Variants in CCDC177 observed in about 807,000 individuals in gnomAD.
The protein encoded by CCDC177 is coiled-coil domain containing 177, also known as coiled-coil domain-containing protein 177.
In CCDC177, 2 loss-of-function variants were observed where a neutral mutation model predicts 7.3. That is an observed-to-expected ratio of 0.28 (90% CI 0.11 to 0.87). The LOEUF is 0.87. Among genes scored for constraint, CCDC177 ranks in the 40% least tolerant of loss-of-function variants. The pLI is 0.61. For synonymous variants in CCDC177, 401 were observed against 449.2 expected, an observed-to-expected ratio of 0.89 and a Z score of 1.36; for missense variants, 874 against 970.5, an observed-to-expected ratio of 0.90 and a Z score of 1.32.
Position 69,572,196 on chromosome 14 carries a change from T to C in CCDC177, c.1427A>G (p.Glu476Gly). 9 of 1,229,088 alleles carry C rather than the reference T, an allele frequency of 7.3e-6. No individual in the cohort carries two copies. Among genetic ancestry groups the C allele is most frequent in the Non-Finnish European group, 9.1e-6 (9 of 986,640 alleles). The allele number at this position is 1,229,088 out of a possible 1,614,324, so 76.1% of individuals were successfully genotyped here. ...EGLQEGRERA[E>G]QIRRERAQRA... ...CTGGGCGCGCTCCCTGCGGATCTGC[T>C]CAGCCCGCTCCCGCCCTTCCTGTAG... is the stretch of plus-strand genomic sequence containing the variant. The change falls in exon 2 of 2, where the codon GAG (glutamate) becomes GGG (glycine). Residue 476 changes from glutamate (E) to glycine (G), a missense_variant. Physicochemically the swap from Glu to Gly is moderately conservative, Grantham distance 98 (BLOSUM62 -2). Coordinates refer to ENST00000599174, the MANE Select transcript of CCDC177 (RefSeq NM_001271507.2).
In CCDC177 at chr14:69,570,351, G is replaced by C. The variant is rs535170710; in HGVS notation, c.*1148C>G. On this transcript the variant is annotated 3_prime_UTR_variant, in exon 2 of 2. Transcript: ENST00000599174. ...TGAAATGCTTTCAGGCATAGGTGAGGGGGTACCAGGAAATTTAAGGGGGAG... is the reference window on the plus strand; with the variant it reads ...TGAAATGCTTTCAGGCATAGGTGAGCGGGTACCAGGAAATTTAAGGGGGAG... The C allele has an allele frequency of 8.2e-4, 141 of 171,744 alleles. 1 individual carries two copies. Among genetic ancestry groups the C allele is most frequent in the African/African-American group, 3.3e-3 (138 of 42,102 alleles). The allele number at this position is 171,744 out of a possible 1,614,324, so 10.6% of individuals were successfully genotyped here. A position where few individuals can be genotyped will look rare whatever the true frequency, so the allele number is the denominator to read the frequency against.
chr14:69,572,016 G>C lies in CCDC177; in HGVS notation c.1607C>G (p.Ala536Gly). 8.1e-7 allele frequency: 1 copy of C among 1,231,222 alleles called. No individual in the cohort carries two copies. Among genetic ancestry groups the C allele is most frequent in the Non-Finnish European group, 1.0e-6 (1 of 987,778 alleles). 76.3% of individuals were successfully genotyped at this position (1,231,222 alleles called of 1,614,324 possible). ...EREGLRSSLE[A>G]SLGRAQENYE... ...GTTCTCCTGCGCACGGCCCAAACTG[G>C]CTTCCAGCGAGCTCCGCAGGCCCTC... The change falls in exon 2 of 2, where the codon GCC (alanine) becomes GGC (glycine). Residue 536 changes from alanine (A) to glycine (G), a missense_variant. Transcript: ENST00000599174.
Position 69,571,682 on chromosome 14 carries a change from G to C in CCDC177, c.1941C>G (p.Ile647Met). The C allele has an allele frequency of 8.1e-7, 1 of 1,232,054 alleles. No individual in the cohort carries two copies. Among genetic ancestry groups the C allele is most frequent in the East Asian group, 3.2e-5 (1 of 31,686 alleles). The allele number at this position is 1,232,054 out of a possible 1,614,324, so 76.3% of individuals were successfully genotyped here. ...GCTCGCTGCGCTCCAGCTTGCGCCC[G>C]ATGGCCTGGAGTAGCTCTCGCCGGC... ...DCRRRELLQA[I>M]GRKLERSEQL... is the part of the protein sequence containing the mutation. Residue 647 changes from isoleucine (I) to methionine (M), a missense_variant, in exon 2 of 2, where the codon ATC becomes ATG. Ile to Met is a conservative substitution (Grantham distance 10). Transcript: ENST00000599174.
At position 69,573,503 on chromosome 14, in the gene CCDC177, GGAA is replaced by G. The variant is rs1162614356; in HGVS notation, c.117_119del (p.Ser41del). 9.4e-5 allele frequency: 116 copies of G among 1,230,982 alleles called. 1 individual carries two copies. In the East Asian group the frequency reaches 1.1e-3, roughly 12 times the overall value. 76.3% of individuals were successfully genotyped at this position (1,230,982 alleles called of 1,614,324 possible). A position where few individuals can be genotyped will look rare whatever the true frequency, so the allele number is the denominator to read the frequency against. On this transcript the variant is annotated inframe_deletion, in exon 2 of 2. Transcript: ENST00000599174. ...CCGCGGAGGCCGAGGCCGAGGCCGA[GGAA>G]GCTGCGGGCTCCTGTGCGCCCTGGG... is the stretch of plus-strand genomic sequence containing the variant.
rs1884373947 is a variant in CCDC177, at chr14:69,573,274, C to T, written c.349G>A (p.Asp117Asn). The change falls in exon 2 of 2, where the codon GAC (aspartate) becomes AAC (asparagine). Residue 117 changes from aspartate to asparagine, a missense_variant. Asp to Asn is a conservative substitution (Grantham distance 23). Coordinates refer to ENST00000599174, the MANE Select transcript of CCDC177 (RefSeq NM_001271507.2). ...CGGCCCGGAGCCTCTCGCACCAGGT[C>T]GGCCAGGGCCCGTGGCAGCAGCTCC... ...PVELLPRALA[D>N]LVREAPGRSM... The T allele has an allele frequency of 8.1e-7, 1 of 1,231,392 alleles. No homozygotes were observed. Among genetic ancestry groups the T allele is most frequent in the East Asian group, 3.2e-5 (1 of 31,690 alleles). 76.3% of individuals were successfully genotyped at this position (1,231,392 alleles called of 1,614,324 possible).
In CCDC177 at chr14:69,571,720, C is replaced by T. The variant is rs1465292034; in HGVS notation, c.1903G>A (p.Asp635Asn). The change falls in exon 2 of 2, where the codon GAC becomes AAC. Residue 635 changes from aspartate to asparagine, a missense_variant. Asp to Asn is a conservative substitution (Grantham distance 23, BLOSUM62 1). Transcript: ENST00000599174. ...AGCTCTCGCCGGCGGCAGTCTTCGT[C>T]CCTCTCCACCTTCTCCTTGTTGGCG... The part of the protein sequence containing the change: ...QRANKEKVER[D>N]EDCRRRELLQ... The T allele has an allele frequency of 5.7e-6, 7 of 1,231,624 alleles. No homozygotes were observed. The highest frequency in any genetic ancestry group is 3.1e-5 in the African/African-American group (2 of 64,400). The allele number at this position is 1,231,624 out of a possible 1,614,324, so 76.3% of individuals were successfully genotyped here. A position where few individuals can be genotyped will look rare whatever the true frequency, so the allele number is the denominator to read the frequency against.
chr14:69,574,362 C>T (rs897150408), intron 1 of CCDC177, among the ~76,000 whole-genome samples, 180 bp downstream of exon 1: 8 of 152,184 alleles, frequency 5.3e-5, no homozygotes, highest in African/African-American at 9.6e-5. Context: ...TCAGACGCAC[C>T]GGATCTCCTC....
At position 69,572,571 on chromosome 14, in the gene CCDC177, T is replaced by G; in HGVS notation, c.1052A>C (p.Glu351Ala). 1 of 1,231,146 alleles carries G rather than the reference T, an allele frequency of 8.1e-7. No individual in the cohort carries two copies. The highest frequency in any genetic ancestry group is 4.2e-5 in the Admixed American group (1 of 23,706). 76.3% of individuals were successfully genotyped at this position (1,231,146 alleles called of 1,614,324 possible). ...GCGTTGCTCCAGCAGCAGGAGCTCCTCCTGGTGCCGCGCCAGCATGAGCGC... is the reference window on the plus strand; with the variant it reads ...GCGTTGCTCCAGCAGCAGGAGCTCCGCCTGGTGCCGCGCCAGCATGAGCGC... ...IAALMLARHQ[E>A]ELLLLEQRAA... is the part of the protein sequence containing the mutation. Residue 351 changes from glutamate to alanine, a missense_variant, in exon 2 of 2, where the codon GAG becomes GCG. By Grantham distance (107) the Glu-to-Ala change is moderately radical. Coordinates refer to ENST00000599174, the MANE Select transcript of CCDC177 (RefSeq NM_001271507.2).
Position 69,572,301 on chromosome 14 carries a change from T to G in CCDC177, c.1322A>C (p.Glu441Ala). The G allele has an allele frequency of 8.1e-7, 1 of 1,227,834 alleles. No individual in the cohort carries two copies. The highest frequency in any genetic ancestry group is 1.6e-5 in the African/African-American group (1 of 64,224). The allele number at this position is 1,227,834 out of a possible 1,614,324, so 76.1% of individuals were successfully genotyped here. The change falls in exon 2 of 2, where the codon GAG (glutamate) becomes GCG (alanine). Residue 441 changes from glutamate to alanine, a missense_variant. Coordinates refer to ENST00000599174, the MANE Select transcript of CCDC177 (RefSeq NM_001271507.2). The stretch of plus-strand genomic sequence containing the variant: ...CTCCCGGGCCGCGCGCTCCGCCCGC[T>G]CCCGCCGCAGGAGGCCCTGGCGTTC... ...LAERQGLLRR[E>A]RAERAAREDR...
chr14:69,573,574 C>T lies in CCDC177; in HGVS notation c.49G>A (p.Asp17Asn), dbSNP rs576968208. The T allele has an allele frequency of 1.1e-3, 1,358 of 1,231,716 alleles. 1 individual carries two copies. The highest frequency in any genetic ancestry group is 1.3e-3 in the Non-Finnish European group (1,284 of 988,020). The allele number at this position is 1,231,716 out of a possible 1,614,324, so 76.3% of individuals were successfully genotyped here. A position where few individuals can be genotyped will look rare whatever the true frequency, so the allele number is the denominator to read the frequency against. The change falls in exon 2 of 2, where the codon GAC (aspartate) becomes AAC (asparagine). Residue 17 changes from aspartate (D) to asparagine (N), a missense_variant. Coordinates refer to ENST00000599174, the MANE Select transcript of CCDC177 (RefSeq NM_001271507.2). ...GCCACGGCCTCGTCCCCTCCAGAGTCGCCGGGTTCCGCTCCTGCCTTCTCT... is the reference window on the plus strand; with the variant it reads ...GCCACGGCCTCGTCCCCTCCAGAGTTGCCGGGTTCCGCTCCTGCCTTCTCT... ...EEEKAGAEPG[D>N]SGGDEAVASV...
rs1566578566 is a variant in CCDC177 at position 69,573,609 on chromosome 14, A to G, written c.14T>C (p.Val5Ala). 2 of 1,231,692 alleles carry G rather than the reference A, an allele frequency of 1.6e-6. No homozygotes were observed. Among genetic ancestry groups the G allele is most frequent in the Non-Finnish European group, 2.0e-6 (2 of 988,030 alleles). 76.3% of individuals were successfully genotyped at this position (1,231,692 alleles called of 1,614,324 possible). A position where few individuals can be genotyped will look rare whatever the true frequency, so the allele number is the denominator to read the frequency against. MVDPVPEEEKAGAEP... is the reference protein window; with the variant it reads MVDPAPEEEKAGAEP... Reference sequence around the variant, plus strand: ...CGCTCCTGCCTTCTCTTCTTCAGGCACTGGGTCCACCATGGCTGAGCCCCG... The same window carrying G: ...CGCTCCTGCCTTCTCTTCTTCAGGCGCTGGGTCCACCATGGCTGAGCCCCG... Residue 5 changes from valine to alanine, a missense_variant, in exon 2 of 2, where the codon GTG (valine) becomes GCG (alanine). By Grantham distance (64) the Val-to-Ala change is moderately conservative. Transcript: ENST00000599174.
In CCDC177 at chr14:69,573,133, A is replaced by G. The variant is rs906987003; in HGVS notation, c.490T>C (p.Phe164Leu). 68 of 1,228,326 alleles carry G rather than the reference A, an allele frequency of 5.5e-5. No individual in the cohort carries two copies. Among genetic ancestry groups the G allele is most frequent in the Non-Finnish European group, 6.4e-5 (63 of 986,162 alleles). 76.1% of individuals were successfully genotyped at this position (1,228,326 alleles called of 1,614,324 possible). Residue 164 changes from phenylalanine to leucine, a missense_variant, in exon 2 of 2, where the codon TTC (phenylalanine) becomes CTC (leucine). Phe to Leu is a conservative substitution (Grantham distance 22). Transcript: ENST00000599174. The stretch of plus-strand genomic sequence containing the variant: ...GCGGCCGCGGGGCTCAAAGGCGTGA[A>G]AAGACGCCGCTTCTCCTCGCGCATG... ...RIMREEKRRL[F>L]TPLSPAAAAA...
intron 1 of CCDC177, among the ~76,000 whole-genome samples, chr14:69,574,307 C>T (rs923490327): frequency 6.6e-6 from 1 of 152,164 alleles, no homozygotes. Flanking sequence ...CCACCTCCAC[C>T]CCCACCGGGT....
At chr14:69,573,695 CT>C in intron 1 of CCDC177, 45 bp from the exon 2 acceptor site, 4 of 1,229,460 alleles carry the variant, frequency 3.3e-6, no homozygotes, top group Non-Finnish European at 4.1e-6. Context: ...TCTGAGAGCT[CT>C]TCCCCCCTCC....
chr14:69,572,454 T>C lies in CCDC177; in HGVS notation c.1169A>G (p.Gln390Arg). ...EEREKQRALE[Q>R]GRRAWAAQVE... is the part of the protein sequence containing the mutation. ...CTGCGCGGCCCAGGCTCGGCGGCCC[T>C]GCTCTAGGGCGCGCTGCTTCTCCCG... The change falls in exon 2 of 2, where the codon CAG becomes CGG. Residue 390 changes from glutamine to arginine, a missense_variant. Physicochemically the swap from Gln to Arg is conservative, Grantham distance 43. Coordinates refer to ENST00000599174, the MANE Select transcript of CCDC177 (RefSeq NM_001271507.2). The C allele has an allele frequency of 8.1e-7, 1 of 1,229,074 alleles. No homozygotes were observed. Among genetic ancestry groups the C allele is most frequent in the East Asian group, 3.2e-5 (1 of 31,518 alleles). 76.1% of individuals were successfully genotyped at this position (1,229,074 alleles called of 1,614,324 possible).
chr14:69,571,930 G>A lies in CCDC177; in HGVS notation c.1693C>T (p.Leu565=). The A allele has an allele frequency of 8.1e-7, 1 of 1,232,314 alleles. No individual in the cohort carries two copies. The highest frequency in any genetic ancestry group is 1.0e-6 in the Non-Finnish European group (1 of 988,482). 76.3% of individuals were successfully genotyped at this position (1,232,314 alleles called of 1,614,324 possible). A position where few individuals can be genotyped will look rare whatever the true frequency, so the allele number is the denominator to read the frequency against. The stretch of plus-strand genomic sequence containing the variant: ...GCCTCCTTGGCCCGCCGACCCTGCA[G>A]CTCCTCTCGCCGGGCCCGCTCCCGC... ...ELRERARREE[L]QGRRAKEAAE... Residue 565 remains leucine, a synonymous_variant, in exon 2 of 2, where the codon CTG becomes TTG. Coordinates refer to ENST00000599174, the MANE Select transcript of CCDC177 (RefSeq NM_001271507.2).
Position 69,571,966 on chromosome 14 carries a change from T to C in CCDC177, c.1657A>G (p.Thr553Ala), listed in dbSNP as rs1046869497. The C allele has an allele frequency of 2.4e-5, 30 of 1,229,908 alleles. No individual in the cohort carries two copies. Among genetic ancestry groups the C allele is most frequent in the Middle Eastern group, 6.2e-4 (2 of 3,222 alleles). The allele number at this position is 1,229,908 out of a possible 1,614,324, so 76.2% of individuals were successfully genotyped here. A position where few individuals can be genotyped will look rare whatever the true frequency, so the allele number is the denominator to read the frequency against. The stretch of plus-strand genomic sequence containing the variant: ...CGGGCCCGCTCCCGCAGCTCCCGGG[T>C]GCGCTGCTCCACCAAATGCTCGTAG... ...ENYEHLVEQR[T>A]RELRERARRE... is the part of the protein sequence containing the mutation. Residue 553 changes from threonine to alanine, a missense_variant, in exon 2 of 2, where the codon ACC becomes GCC. By Grantham distance (58) the Thr-to-Ala change is moderately conservative. Transcript: ENST00000599174.
chr14:69,574,213 A>G (rs976422072), intron 1 of CCDC177, among the ~76,000 whole-genome samples: 9 of 152,194 alleles, frequency 5.9e-5, no homozygotes, highest in African/African-American at 2.2e-4. Context: ...GAAGTCCCCA[A>G]AGGCCTCTCC....
In CCDC177 at chr14:69,571,601, A is replaced by C. The variant is rs1183961104; in HGVS notation, c.2022T>G (p.Ala674=). The part of the protein sequence containing the change: ...ALESARSTAR[A]SFHVREKVRE... ...GCACCTTCTCACGCACGTGGAAGGA[A>C]GCCCGGGCTGTGGAGCGGGCGCTCT... Residue 674 remains alanine, a synonymous_variant, in exon 2 of 2, where the codon GCT becomes GCG. Coordinates refer to ENST00000599174, the MANE Select transcript of CCDC177 (RefSeq NM_001271507.2). 8.1e-7 allele frequency: 1 copy of C among 1,234,832 alleles called. No individual in the cohort carries two copies. Among genetic ancestry groups the C allele is most frequent in the East Asian group, 3.1e-5 (1 of 31,774 alleles). The allele number at this position is 1,234,832 out of a possible 1,614,324, so 76.5% of individuals were successfully genotyped here.
Sources: gnomAD v4.1 joint callset for allele counts (sites outside exome capture counted in the v4.1 genomes callset) on GRCh38, gnomAD v4.1.1 for gene constraint, MANE v1.5 for transcripts, NCBI Gene and HGNC (gene_info 2026-07-23, HGNC 2026-07-21) for gene names.